N4BP2L2: variants seen among roughly 807,000 people sequenced by gnomAD.
N4BP2L2 encodes the protein NEDD4 binding protein 2 like 2.
N4BP2L2 carries 50 observed loss-of-function variants against 56.2 expected under a neutral mutation model. The ratio of observed to expected loss-of-function variants is 0.89; its 90% CI spans 0.71 to 1.13. The LOEUF (loss-of-function observed/expected upper bound fraction) is 1.13, where lower values mean the gene tolerates loss of function less well. Among genes scored for constraint, N4BP2L2 ranks in the 50% most tolerant of loss-of-function variants. The pLI, the probability that N4BP2L2 is intolerant of heterozygous loss-of-function variation, is 0.00. For synonymous variants in N4BP2L2, 203 were observed against 223.6 expected, an observed-to-expected ratio of 0.91 and a Z score of 0.82; for missense variants, 689 against 693.8, an observed-to-expected ratio of 0.99 and a Z score of 0.08.
At chr13:32,501,927 T>C (rs2090087057) in intron 6 of N4BP2L2, among the ~76,000 whole-genome samples, 1 of 152,104 alleles carries the variant, frequency 6.6e-6, no homozygotes, top group Admixed American at 6.6e-5. Flanking sequence ...GTATTCATGA[T>C]AAAAAGGGAT....
exon 6 of N4BP2L2, chr13:32,515,391 T>C (rs2139861630): frequency 6.6e-6 from 1 of 152,248 alleles, no homozygotes; most frequent in East Asian, 1.9e-4. Flanking sequence ...CAGCAAGCTA[T>C]GATCACGCCA....
chr13:32,491,474 A>C (rs529260125), intron 6 of N4BP2L2, among the ~76,000 whole-genome samples: 3 of 150,210 alleles, frequency 2.0e-5, no homozygotes, highest in Non-Finnish European at 4.4e-5. Context: ...CTAGGCTACA[A>C]AGTAGTTATG....
In N4BP2L2 at chr13:32,492,916, G is replaced by GTTTTTTTT. The variant is rs35025430; in HGVS notation, c.365+24933_365+24940dup. 1.4e-4 allele frequency among the ~76,000 whole-genome samples: 15 copies of GTTTTTTTT among 107,498 alleles called. 2 individuals are homozygous for GTTTTTTTT. Among genetic ancestry groups the GTTTTTTTT allele is most frequent in the African/African-American group, 4.4e-4 (12 of 27,136 alleles). 70.5% of individuals were successfully genotyped at this position (107,498 alleles called of 152,430 possible). A position where few individuals can be genotyped will look rare whatever the true frequency, so the allele number is the denominator to read the frequency against. On this transcript the variant is annotated intron_variant, in intron 6 of 9. Transcript: ENST00000357505. Reference sequence around the variant, plus strand: ...TGTGTGAATGTTTTGTAGCTTTTCTGTTTTTTTTTTTTTTTTTTTTGAGAC... The same window carrying GTTTTTTTT: ...TGTGTGAATGTTTTGTAGCTTTTCTGTTTTTTTTTTTTTTTTTTTTTTTTTTTTGAGAC...
chr13:32,487,432 G>A (rs996238886), intron 6 of N4BP2L2, among the ~76,000 whole-genome samples: 1 of 145,780 alleles, frequency 6.9e-6, no homozygotes, highest in African/African-American at 2.6e-5. Flanking sequence ...AGCCGTGACC[G>A]CACCACTGCA....
At chr13:32,461,437 AAAC>A in intron 6 of N4BP2L2, among the ~76,000 whole-genome samples, 1 of 152,300 alleles carries the variant, frequency 6.6e-6, no homozygotes, top group South Asian at 2.1e-4. Flanking sequence ...AACAAAGAAA[AAAC>A]AACAATCTCA....
At chr13:32,514,268 TACCAC>T (rs2048729041) in exon 6 of N4BP2L2, 1 of 152,150 alleles carries the variant, frequency 6.6e-6, no homozygotes, top group African/African-American at 2.4e-5. Context: ...TCAAATTAAT[TACCAC>T]ACAAGAATTT....
chr13:32,530,130 T>G (rs2054288001), intron 2 of N4BP2L2, among the ~76,000 whole-genome samples: 1 of 152,184 alleles, frequency 6.6e-6, no homozygotes, highest in Non-Finnish European at 1.5e-5. Context: ...GGGGGAGCAA[T>G]ACACCAATTT....
rs375353906 is a variant in N4BP2L2 at position 32,443,806 on chromosome 13, T to G, written c.686A>C (p.Glu229Ala). 2.8e-5 allele frequency: 45 copies of G among 1,584,654 alleles called. No individual in the cohort carries two copies. In the African/African-American group the frequency reaches 5.3e-4, roughly 19 times the overall value. The change falls in exon 7 of 10, where the codon GAA becomes GCA. Residue 229 changes from glutamate to alanine, a missense_variant. Physicochemically the swap from Glu to Ala is moderately radical, Grantham distance 107 (BLOSUM62 -1). Transcript: ENST00000357505. ...GTAATTCTTTGGTGTGTTGTCTAAT[T>G]CAACTATAGACATAACGTTTTGGAA...
intron 6 of N4BP2L2, among the ~76,000 whole-genome samples, chr13:32,468,679 A>C (rs576780404): frequency 3.9e-5 from 6 of 152,230 alleles, no homozygotes; most frequent in Non-Finnish European, 7.3e-5. Context: ...TTTAGGGTGC[A>C]GGTGCATACT....
At chr13:32,500,746 A>G (rs566421919) in intron 6 of N4BP2L2, among the ~76,000 whole-genome samples, 4 of 152,002 alleles carry the variant, frequency 2.6e-5, no homozygotes, top group Admixed American at 6.6e-5. Flanking sequence ...ATTATTCTTA[A>G]AAATAAAAAA....
chr13:32,532,977 A>G (rs1007289016), intron 2 of N4BP2L2, among the ~76,000 whole-genome samples: 2 of 151,716 alleles, frequency 1.3e-5, no homozygotes, highest in African/African-American at 2.4e-5. Flanking sequence ...TCCCCACCTC[A>G]GCCTCCCAAA....
intron 6 of N4BP2L2, among the ~76,000 whole-genome samples, chr13:32,490,340 C>T (rs1330684775): frequency 1.3e-5 from 2 of 151,812 alleles, no homozygotes; most frequent in Admixed American, 6.6e-5. Context: ...GTTTCGCTCT[C>T]GTCACCCAGG....
At chr13:32,469,632 G>T (rs562151452) in intron 6 of N4BP2L2, among the ~76,000 whole-genome samples, 3 of 152,330 alleles carry the variant, frequency 2.0e-5, no homozygotes, top group Admixed American at 2.0e-4. Context: ...GCGTCTGGGG[G>T]GTCCCCTCCC....
chr13:32,523,334 G>A (rs1039070813), intron 3 of N4BP2L2: 4 of 150,332 alleles, frequency 2.7e-5, no homozygotes, highest in East Asian at 2.0e-4. Flanking sequence ...GGAGGTTGCT[G>A]TGAGCCAAGA....
At chr13:32,486,617 A>G (rs2085922679) in intron 6 of N4BP2L2, among the ~76,000 whole-genome samples, 1 of 152,032 alleles carries the variant, frequency 6.6e-6, no homozygotes, top group African/African-American at 2.4e-5. Context: ...CAAAAGTTGC[A>G]GTGAGCCAAA....
chr13:32,501,013 C>G (rs2089909260), intron 6 of N4BP2L2, among the ~76,000 whole-genome samples: 1 of 152,006 alleles, frequency 6.6e-6, no homozygotes, highest in African/African-American at 2.4e-5. Context: ...GGATTACAGG[C>G]ATGCATCACG....
At chr13:32,495,998 C>T (rs1384972408) in intron 6 of N4BP2L2, among the ~76,000 whole-genome samples, 2 of 151,998 alleles carry the variant, frequency 1.3e-5, no homozygotes, top group South Asian at 2.1e-4. Context: ...CTTTTGACTC[C>T]GAGGCTGTGA....
chr13:32,504,929 T>C (rs1188642441), intron 6 of N4BP2L2: 2 of 152,156 alleles, frequency 1.3e-5, no homozygotes, highest in African/African-American at 4.8e-5. Context: ...GTCTGAAACG[T>C]ATAAAGGCAA....
At chr13:32,531,339 C>T (rs752707923) in intron 2 of N4BP2L2, among the ~76,000 whole-genome samples, 2 of 152,156 alleles carry the variant, frequency 1.3e-5, no homozygotes, top group African/African-American at 4.8e-5. Flanking sequence ...TAATTTCTCA[C>T]GTAAGAAACA....
Sources: allele counts gnomAD v4.1 joint callset (sites outside exome capture counted in the v4.1 genomes callset), GRCh38; gene constraint gnomAD v4.1.1; transcripts MANE v1.5; gene names NCBI Gene and HGNC (gene_info 2026-07-23, HGNC 2026-07-21).